The following PTPRD variants were observed in gnomAD, a reference collection of about 807,000 sequenced individuals.
The protein encoded by PTPRD is receptor-type tyrosine-protein phosphatase delta.
Under a neutral mutation model 214.5 loss-of-function variants are expected in PTPRD, and 34 were observed. That is an observed-to-expected ratio of 0.16 (90% CI 0.12 to 0.21). The LOEUF (loss-of-function observed/expected upper bound fraction) is 0.21, where lower values mean the gene tolerates loss of function less well. Among genes scored for constraint, PTPRD ranks in the 10% least tolerant of loss-of-function variants. The pLI is 1.00. For synonymous variants in PTPRD, 1,128 were observed against 845.7 expected (o/e 1.33, Z -5.79); for missense variants, 2,545 against 2,398.7 (o/e 1.06, Z -1.27).
chr9:9,920,047 C>A (rs1165063576), intron 5 of PTPRD, among the ~76,000 whole-genome samples: 1 of 151,948 alleles, frequency 6.6e-6, no homozygotes, highest in African/African-American at 2.4e-5. Flanking sequence ...GGATTTAACC[C>A]ATAAGCAGCA....
At chr9:9,850,083 G>T (rs1189183025) in intron 5 of PTPRD, among the ~76,000 whole-genome samples, 1 of 152,018 alleles carries the variant, frequency 6.6e-6, no homozygotes, top group African/African-American at 2.4e-5. Flanking sequence ...ACAAACACCA[G>T]CCCGTCACAC....
rs200485457 is a variant in PTPRD, at chr9:9,528,459, T to TA, written c.-237+46272dup. ...GGATTGTCAGGAACTGAGAAAGCTT[T>TA]AAAAAAAAAGATTGATAACAATGTA... On this transcript the variant is annotated intron_variant, in intron 8 of 45. Coordinates refer to ENST00000381196, the MANE Select transcript of PTPRD (RefSeq NM_002839.4). 1.8e-3 allele frequency among the ~76,000 whole-genome samples: 272 copies of TA among 151,218 alleles called. 1 individual carries two copies. The highest frequency in any genetic ancestry group is 6.1e-3 in the African/African-American group (251 of 41,278).
chr9:10,461,398 A>C (rs961853773), intron 2 of PTPRD, among the ~76,000 whole-genome samples: 9 of 151,978 alleles, frequency 5.9e-5, no homozygotes, highest in South Asian at 2.1e-4. Flanking sequence ...TCCTATGTTC[A>C]TTGTAGCTTT....
At chr9:8,479,052 T>C (rs1022862520) in intron 30 of PTPRD, among the ~76,000 whole-genome samples, 1 of 152,154 alleles carries the variant, frequency 6.6e-6, no homozygotes, top group African/African-American at 2.4e-5. Flanking sequence ...TTCTGTTTCT[T>C]CCTCACATTT....
Position 8,854,661 on chromosome 9 carries a change from G to A in PTPRD, c.-103-120715C>T, listed in dbSNP as rs116446916. Among the ~76,000 whole-genome samples, 1,224 of 152,248 alleles carry A rather than the reference G, an allele frequency of 8.0e-3. 16 individuals carry two copies. Among genetic ancestry groups the A allele is most frequent in the African/African-American group, 0.028 (1,152 of 41,542 alleles). On this transcript the variant is annotated intron_variant, in intron 11 of 45. Coordinates refer to ENST00000381196, the MANE Select transcript of PTPRD (RefSeq NM_002839.4). ...TGGTCGATTTCAAATCTGTGAAACT[G>A]ACACTTAAAAATGTATAGTGCGTCT... is the stretch of plus-strand genomic sequence containing the variant.
At chr9:9,738,526 C>T (rs1244702916) in intron 6 of PTPRD, among the ~76,000 whole-genome samples, 2 of 139,356 alleles carry the variant, frequency 1.4e-5, no homozygotes, top group African/African-American at 5.5e-5. Flanking sequence ...TCACTACAAC[C>T]TCTGCCTCCT....
At chr9:9,736,565 T>C (rs1326345906) in intron 6 of PTPRD, among the ~76,000 whole-genome samples, 1 of 152,060 alleles carries the variant, frequency 6.6e-6, no homozygotes, top group East Asian at 1.9e-4. Flanking sequence ...ATAATTTAAA[T>C]AGTGTTACGA....
intron 12 of PTPRD, among the ~76,000 whole-genome samples, chr9:8,689,174 T>C (rs1212916833): frequency 6.6e-6 from 1 of 152,156 alleles, no homozygotes; most frequent in Non-Finnish European, 1.5e-5. Context: ...AATACAGCAA[T>C]ATGATTCCAC....
chr9:9,948,530 A>C lies in PTPRD; in HGVS notation c.-471-9920T>G, dbSNP rs571013061. On this transcript the variant is annotated intron_variant, in intron 4 of 45. Coordinates refer to ENST00000381196, the MANE Select transcript of PTPRD (RefSeq NM_002839.4). Reference sequence around the variant, plus strand: ...ATAATAAAAGTAAAATGTAGAGATAAATTAAAAGTCCAATAGCTGCACTTT... The same window carrying C: ...ATAATAAAAGTAAAATGTAGAGATACATTAAAAGTCCAATAGCTGCACTTT... Among the ~76,000 whole-genome samples, 18 of 152,226 alleles carry C rather than the reference A, an allele frequency of 1.2e-4. No homozygotes were observed. The South Asian group carries it at 2.3e-3, about 19-fold the overall frequency.
chr9:9,389,246 C>A (rs1266780832), intron 9 of PTPRD, among the ~76,000 whole-genome samples: 1 of 152,182 alleles, frequency 6.6e-6, no homozygotes, highest in Non-Finnish European at 1.5e-5. Flanking sequence ...CGCAGTGGCT[C>A]ACGCCTGTAA....
chr9:8,616,911 T>G (rs185752514), intron 14 of PTPRD, among the ~76,000 whole-genome samples: 1 of 152,150 alleles, frequency 6.6e-6, no homozygotes, highest in African/African-American at 2.4e-5. Flanking sequence ...AGACCTTCAG[T>G]TGGCACAGAA....
intron 2 of PTPRD, among the ~76,000 whole-genome samples, chr9:10,512,864 G>A (rs1326092497): frequency 1.3e-5 from 2 of 151,580 alleles, no homozygotes; most frequent in Non-Finnish European, 2.9e-5. Flanking sequence ...TTATTGCACT[G>A]GAGTTGAAAC....
chr9:8,846,978 G>T (rs539023339), intron 11 of PTPRD, among the ~76,000 whole-genome samples: 1 of 152,216 alleles, frequency 6.6e-6, no homozygotes, highest in South Asian at 2.1e-4. Context: ...CCAAACACAA[G>T]GAGACTGCAC....
intron 2 of PTPRD, among the ~76,000 whole-genome samples, chr9:10,570,688 C>G (rs2067145206): frequency 6.6e-6 from 1 of 152,098 alleles, no homozygotes; most frequent in Non-Finnish European, 1.5e-5. Flanking sequence ...CATTCAACTC[C>G]CTCCTTTGCC....
chr9:9,474,038 T>C (rs1013119668), intron 8 of PTPRD, among the ~76,000 whole-genome samples: 3 of 152,098 alleles, frequency 2.0e-5, no homozygotes, highest in South Asian at 4.1e-4. Context: ...ATCTATTAGA[T>C]GAACGTCCTG....
chr9:8,773,437 G>C (rs1043594338), intron 11 of PTPRD, among the ~76,000 whole-genome samples: 5 of 152,198 alleles, frequency 3.3e-5, no homozygotes, highest in Middle Eastern at 3.4e-3. Context: ...CATGGTACTC[G>C]CTTGTTGGTT....
At chr9:10,515,479 A>T (rs1260418541) in intron 2 of PTPRD, among the ~76,000 whole-genome samples, 1 of 152,028 alleles carries the variant, frequency 6.6e-6, no homozygotes. Flanking sequence ...AGGAGCTATG[A>T]TCTTATGAAT....
Position 8,883,078 on chromosome 9 carries a change from T to A in PTPRD, c.-104+135619A>T, listed in dbSNP as rs146118237. ...TGTTTGAAATTCCTGTCAAATGCCTTAATAATACCAATTATATTAATAATC... is the reference window on the plus strand; with the variant it reads ...TGTTTGAAATTCCTGTCAAATGCCTAAATAATACCAATTATATTAATAATC... On this transcript the variant is annotated intron_variant, in intron 11 of 45. Coordinates refer to ENST00000381196, the MANE Select transcript of PTPRD (RefSeq NM_002839.4). Among the ~76,000 whole-genome samples, 63 of 152,250 alleles carry A rather than the reference T, an allele frequency of 4.1e-4. No homozygotes were observed. In the East Asian group the frequency reaches 0.01, roughly 25 times the overall value.
chr9:9,326,876 C>A (rs1263563549), intron 9 of PTPRD, among the ~76,000 whole-genome samples: 3 of 152,152 alleles, frequency 2.0e-5, no homozygotes, highest in Non-Finnish European at 4.4e-5. Flanking sequence ...AGTTAGTAGA[C>A]ATGAGCAGCC....
Sources: allele counts gnomAD v4.1 joint callset (sites outside exome capture counted in the v4.1 genomes callset), GRCh38; gene constraint gnomAD v4.1.1; transcripts MANE v1.5; gene names NCBI Gene and HGNC (gene_info 2026-07-23, HGNC 2026-07-21).